The following SLC17A5 variants were observed in gnomAD, a reference collection of about 807,000 sequenced individuals.
SLC17A5 encodes sialin.
A neutral mutation model predicts 59.4 loss-of-function variants in SLC17A5; 47 were observed. The ratio of observed to expected loss-of-function variants is 0.79; its 90% CI spans 0.63 to 1.01. SLC17A5 has a LOEUF of 1.01. Among genes scored for constraint, SLC17A5 ranks in the 50% least tolerant of loss-of-function variants. SLC17A5 has a pLI of 0.00. For synonymous variants in SLC17A5, 202 were observed against 210.7 expected (o/e 0.96, Z 0.36); for missense variants, 522 against 595.5 (o/e 0.88, Z 1.28).
At chr6:73,596,575 G>A (rs1156991544) in intron 10 of SLC17A5, among the ~76,000 whole-genome samples, 1 of 152,136 alleles carries the variant, frequency 6.6e-6, no homozygotes, top group Non-Finnish European at 1.5e-5. Context: ...AGAAACACAC[G>A]GCCGGGCGTG....
At chr6:73,650,698 A>T (rs1189646236) in intron 1 of SLC17A5, among the ~76,000 whole-genome samples, 1 of 151,708 alleles carries the variant, frequency 6.6e-6, no homozygotes, top group Non-Finnish European at 1.5e-5. Context: ...CTGAAAAAAA[A>T]AAAAAAGAAA....
At chr6:73,653,437 T>A (rs554119001) in intron 1 of SLC17A5, 1 of 985,388 alleles carries the variant, frequency 1.0e-6, no homozygotes, top group South Asian at 4.7e-5. Flanking sequence ...GTTCTTCCAC[T>A]GGGTCCCTTG....
At chr6:73,644,292 C>T (rs1050481981) in intron 2 of SLC17A5, 115 bp downstream of exon 2, 3 of 813,420 alleles carry the variant, frequency 3.7e-6, no homozygotes, top group African/African-American at 3.5e-5. Context: ...GAAAGTGATT[C>T]AGAGTATACA....
At chr6:73,618,648 A>G in intron 7 of SLC17A5, 1 of 362,260 alleles carries the variant, frequency 2.8e-6, no homozygotes, top group South Asian at 2.7e-5. Flanking sequence ...AACACATTTT[A>G]GATAAAAGAT....
rs1413987032 is a variant in SLC17A5 at position 73,653,894 on chromosome 6, A to C, written c.-8T>G. The C allele has an allele frequency of 6.2e-7, 1 of 1,601,556 alleles. No individual in the cohort carries two copies. Among genetic ancestry groups the C allele is most frequent in the Non-Finnish European group, 8.5e-7 (1 of 1,174,438 alleles). On this transcript the variant is annotated 5_prime_UTR_variant, in exon 1 of 11. Transcript: ENST00000355773. Reference sequence around the variant, plus strand: ...TCGAACCGGAGACCTCATGACGCCTACGTGAGCAGGTGTACTCGCCACCTG... The same window carrying C: ...TCGAACCGGAGACCTCATGACGCCTCCGTGAGCAGGTGTACTCGCCACCTG...
At chr6:73,610,029 T>C (rs1767575601) in intron 9 of SLC17A5, among the ~76,000 whole-genome samples, 1 of 152,084 alleles carries the variant, frequency 6.6e-6, no homozygotes, top group South Asian at 2.1e-4. Flanking sequence ...ATCATATCTA[T>C]TTTATCAGGT....
At position 73,653,968 on chromosome 6, in the gene SLC17A5, T is replaced by G. The variant is rs1581997824; in HGVS notation, c.-82A>C. ...ACAGCCCGAAGCCCCCGGGCCGAGC[T>G]GGCTGGACCGGGCGGGGCGGGGGCG... On this transcript the variant is annotated 5_prime_UTR_variant, in exon 1 of 11. Coordinates refer to ENST00000355773, the MANE Select transcript of SLC17A5 (RefSeq NM_012434.5). 8.2e-7 allele frequency: 1 copy of G among 1,213,556 alleles called. No individual in the cohort carries two copies. The highest frequency in any genetic ancestry group is 3.0e-5 in the East Asian group (1 of 33,534). 75.2% of individuals were successfully genotyped at this position (1,213,556 alleles called of 1,614,324 possible).
At position 73,611,279 on chromosome 6, in the gene SLC17A5, TTCTC is replaced by T. The variant is rs201149310; in HGVS notation, c.1112-736_1112-733del. 3.7e-3 allele frequency among the ~76,000 whole-genome samples: 561 copies of T among 152,150 alleles called. 15 individuals are homozygous for T. The highest frequency in any genetic ancestry group is 0.028 in the East Asian group (146 of 5,178). On this transcript the variant is annotated intron_variant, in intron 8 of 10. Coordinates refer to ENST00000355773, the MANE Select transcript of SLC17A5 (RefSeq NM_012434.5). ...AGATTTTTTAAAATCTCTGTCTTCA[TTCTC>T]TCTCTCTTTTTTTTGAGCTGGAGTC...
At chr6:73,615,090 G>A (rs889099281) in intron 8 of SLC17A5, among the ~76,000 whole-genome samples, 4 of 152,280 alleles carry the variant, frequency 2.6e-5, no homozygotes, top group African/African-American at 9.6e-5. Context: ...GCTGGACAGT[G>A]TCAGAACTGA....
At chr6:73,609,815 C>T (rs1024331061) in intron 9 of SLC17A5, among the ~76,000 whole-genome samples, 3 of 150,126 alleles carry the variant, frequency 2.0e-5, no homozygotes, top group Non-Finnish European at 4.4e-5. Context: ...AAAGTCATTC[C>T]TATAGTAGTC....
At chr6:73,622,216 G>A (rs994754363) in intron 6 of SLC17A5, among the ~76,000 whole-genome samples, 3 of 151,980 alleles carry the variant, frequency 2.0e-5, no homozygotes, top group African/African-American at 7.2e-5. Flanking sequence ...AAATGTATTC[G>A]TAGAGCTATA....
intron 9 of SLC17A5, among the ~76,000 whole-genome samples, chr6:73,607,226 G>A (rs1767430463): frequency 6.6e-6 from 1 of 151,834 alleles, no homozygotes. Flanking sequence ...TAGGTACCAT[G>A]GATATTTGGT....
chr6:73,602,014 A>G (rs1368496664), intron 9 of SLC17A5, among the ~76,000 whole-genome samples: 1 of 152,090 alleles, frequency 6.6e-6, no homozygotes, highest in African/African-American at 2.4e-5. Flanking sequence ...AAGGTGGGGA[A>G]AAGATTGAGA....
intron 10 of SLC17A5, among the ~76,000 whole-genome samples, chr6:73,596,796 C>T (rs374572730): frequency 6.6e-6 from 1 of 150,782 alleles, no homozygotes; most frequent in African/African-American, 2.4e-5. Flanking sequence ...GTGGAGCTTG[C>T]AGTGAGGCTG....
rs386833993 is a variant in SLC17A5 at position 73,635,482 on chromosome 6, C to A, written c.719G>T (p.Trp240Leu). ...FYFFGTIGIF[W>L]FLLWIWLVSD... ...AACTAACCAGATCCACAAAAGAAAC[C>A]AAAATATTCCAATAGTACCTTAAAA... The change falls in exon 6 of 11, where the codon TGG (tryptophan) becomes TTG (leucine). Residue 240 changes from tryptophan to leucine, a missense_variant. Trp to Leu is a moderately conservative substitution (Grantham distance 61). Transcript: ENST00000355773. The A allele has an allele frequency of 6.4e-7, 1 of 1,558,570 alleles. No individual in the cohort carries two copies.
At chr6:73,603,940 CACTT>C (rs919997161) in intron 9 of SLC17A5, among the ~76,000 whole-genome samples, 2 of 144,496 alleles carry the variant, frequency 1.4e-5, no homozygotes, top group African/African-American at 5.2e-5. Flanking sequence ...AAAAAAAAAA[CACTT>C]AAAGGAGAAG....
chr6:73,646,933 C>T lies in SLC17A5; in HGVS notation c.95-2330G>A, dbSNP rs1769604016. 2.0e-5 allele frequency among the ~76,000 whole-genome samples: 3 copies of T among 152,262 alleles called. No individual in the cohort carries two copies. In the South Asian group the frequency reaches 6.2e-4, roughly 32 times the overall value. On this transcript the variant is annotated intron_variant, in intron 1 of 10. Transcript: ENST00000355773. ...TCAAGCAATCCTCCCATCTCAGCCT[C>T]CCAAAGCACTGGAATTATAGACGTG...
rs1305752285 is a variant in SLC17A5, at chr6:73,645,301, C to T, written c.95-698G>A. 3.0e-6 allele frequency: 3 copies of T among 984,874 alleles called. No homozygotes were observed. The East Asian group carries it at 3.4e-4, about 112-fold the overall frequency. 61.0% of individuals were successfully genotyped at this position (984,874 alleles called of 1,614,324 possible). A position where few individuals can be genotyped will look rare whatever the true frequency, so the allele number is the denominator to read the frequency against. On this transcript the variant is annotated intron_variant, in intron 1 of 10. Coordinates refer to ENST00000355773, the MANE Select transcript of SLC17A5 (RefSeq NM_012434.5). ...ATAAATTTCTTACCTCGAAGAGTAT[C>T]CTCAAAGGCTGGGTTTGAATCAGAA...
At chr6:73,623,605 A>C (rs907802310) in intron 6 of SLC17A5, among the ~76,000 whole-genome samples, 4 of 152,096 alleles carry the variant, frequency 2.6e-5, no homozygotes, top group African/African-American at 9.7e-5. Context: ...AAGTTCTGGG[A>C]TTACAGGTGT....
Sources: allele counts gnomAD v4.1 joint callset (sites outside exome capture counted in the v4.1 genomes callset), GRCh38; gene constraint gnomAD v4.1.1; transcripts MANE v1.5; gene names NCBI Gene and HGNC (gene_info 2026-07-23, HGNC 2026-07-21).